PCBP3: variants seen among roughly 807,000 people sequenced by gnomAD.
PCBP3 encodes poly(rC) binding protein 3, also known as poly(rC)-binding protein 3.
PCBP3 carries 25 observed loss-of-function variants against 52.7 expected under a neutral mutation model. The observed-to-expected ratio is 0.47, with a 90% CI of 0.35 to 0.66. The LOEUF is 0.66. Among genes scored for constraint, PCBP3 ranks in the 30% least tolerant of loss-of-function variants. The pLI, the probability that PCBP3 is intolerant of heterozygous loss-of-function variation, is 0.01. For synonymous variants in PCBP3, 162 were observed against 183.0 expected (o/e 0.89, Z 0.93); for missense variants, 391 against 490.3 (o/e 0.80, Z 1.91).
intron 1 of PCBP3, among the ~76,000 whole-genome samples, chr21:45,650,983 C>T (rs1351777566): frequency 6.6e-6 from 1 of 152,122 alleles, no homozygotes; most frequent in African/African-American, 2.4e-5. Context: ...CACAAGGAAA[C>T]AAATTTTGTC....
In PCBP3 at chr21:45,917,468, G is replaced by A; in HGVS notation, c.676-120G>A. 1 of 767,588 alleles carries A rather than the reference G, an allele frequency of 1.3e-6. No homozygotes were observed. Among genetic ancestry groups the A allele is most frequent in the Non-Finnish European group, 2.3e-6 (1 of 442,704 alleles). The allele number at this position is 767,588 out of a possible 1,614,324, so 47.5% of individuals were successfully genotyped here. On this transcript the variant is annotated intron_variant, in intron 12 of 17. Transcript: ENST00000681687. This position sits in a 1 kb window ranked among gnomAD's most constrained non-coding sequence, Gnocchi z 5.3. ...CTTTGTCCTAGGATGGGGACAGGTG[G>A]AGAGGCACACGAGGGGGAAGCTTCT...
intron 4 of PCBP3, among the ~76,000 whole-genome samples, chr21:45,831,491 A>G (rs2093448775): frequency 6.6e-6 from 1 of 152,038 alleles, no homozygotes; most frequent in Non-Finnish European, 1.5e-5. Context: ...TGATGTGCAT[A>G]TAGATGGTGA....
chr21:45,645,798 A>G (rs1603048740), intron 1 of PCBP3, among the ~76,000 whole-genome samples: 1 of 152,318 alleles, frequency 6.6e-6, no homozygotes, highest in East Asian at 1.9e-4. Context: ...TCATGGCTTT[A>G]TTGTAAAGGT....
chr21:45,931,684 CA>C (rs371012379), intron 15 of PCBP3, among the ~76,000 whole-genome samples: 1 of 146,358 alleles, frequency 6.8e-6, no homozygotes, highest in Non-Finnish European at 1.5e-5. Flanking sequence ...CTGAGATGAA[CA>C]AACACGTCGG....
chr21:45,649,154 G>C (rs1187969490), intron 1 of PCBP3, among the ~76,000 whole-genome samples: 2 of 152,222 alleles, frequency 1.3e-5, no homozygotes, highest in African/African-American at 4.8e-5. Context: ...GGCGGAAGTT[G>C]AAAGGTACAT....
At chr21:45,906,762 G>A (rs921221373) in intron 9 of PCBP3, among the ~76,000 whole-genome samples, 11 of 152,296 alleles carry the variant, frequency 7.2e-5, no homozygotes, top group African/African-American at 2.4e-4. Flanking sequence ...GTGCCATCCC[G>A]TTTTCAGGCA....
intron 4 of PCBP3, among the ~76,000 whole-genome samples, chr21:45,780,490 G>A (rs980160637): frequency 5.3e-5 from 8 of 152,204 alleles, no homozygotes; most frequent in Non-Finnish European, 1.0e-4. Context: ...AACCTGTGAC[G>A]AGGTGTCCCT....
intron 5 of PCBP3, among the ~76,000 whole-genome samples, chr21:45,886,750 G>T (rs73911033): frequency 0.051 from 7,692 of 152,240 alleles, 424 homozygotes; most frequent in African/African-American, 0.13. Flanking sequence ...CAGAGGAGGG[G>T]GCTCCCTCAT....
intron 2 of PCBP3, among the ~76,000 whole-genome samples, chr21:45,727,039 A>G (rs529511484): frequency 6.6e-6 from 1 of 152,320 alleles, no homozygotes; most frequent in African/African-American, 2.4e-5. Context: ...AACCTCCAAC[A>G]TCAGTTTTTT....
intron 4 of PCBP3, among the ~76,000 whole-genome samples, chr21:45,767,551 T>C (rs1047022057): frequency 6.6e-6 from 1 of 152,228 alleles, no homozygotes; most frequent in Non-Finnish European, 1.5e-5. Context: ...GGAGTGGACC[T>C]GGGGGACACG....
At chr21:45,860,835 G>A (rs2094481572) in intron 5 of PCBP3, among the ~76,000 whole-genome samples, 1 of 152,212 alleles carries the variant, frequency 6.6e-6, no homozygotes, top group Non-Finnish European at 1.5e-5. Context: ...ATTGGTAGAG[G>A]AAACAGTGTG....
intron 4 of PCBP3, among the ~76,000 whole-genome samples, chr21:45,776,912 A>G (rs1474662723): frequency 1.3e-5 from 2 of 151,976 alleles, no homozygotes; most frequent in South Asian, 2.1e-4. Context: ...TGCTTTATGT[A>G]TTCTTTGTTT....
chr21:45,767,562 T>G (rs1380298506), intron 4 of PCBP3, among the ~76,000 whole-genome samples: 2 of 152,242 alleles, frequency 1.3e-5, no homozygotes, highest in Non-Finnish European at 2.9e-5. Context: ...GGGGGACACG[T>G]AGAGACTCTG....
At chr21:45,874,117 C>T (rs980609012) in intron 5 of PCBP3, among the ~76,000 whole-genome samples, 4 of 152,186 alleles carry the variant, frequency 2.6e-5, no homozygotes, top group African/African-American at 4.8e-5. Context: ...CGTGAGCCAC[C>T]GCGCCCGGCC....
chr21:45,791,474 G>C lies in PCBP3; in HGVS notation c.-126+36022G>C, dbSNP rs957876928. ...TTTAATAGGGTGTGGCTTTTGTCAA[G>C]CAAGGACAAGGAACCAAGCGGGTAG... On this transcript the variant is annotated intron_variant, in intron 4 of 17. Transcript: ENST00000681687. The surrounding 1 kb of genome is among the most constrained non-coding windows in gnomAD (Gnocchi z 4.2). Among the ~76,000 whole-genome samples, 7 of 151,812 alleles carry C rather than the reference G, an allele frequency of 4.6e-5. No homozygotes were observed. The highest frequency in any genetic ancestry group is 1.3e-4 in the Admixed American group (2 of 15,244).
chr21:45,922,194 A>C (rs763970714), intron 13 of PCBP3, among the ~76,000 whole-genome samples: 3 of 152,160 alleles, frequency 2.0e-5, no homozygotes, highest in Non-Finnish European at 4.4e-5. Flanking sequence ...CTGCACCTTT[A>C]ATTACAGCGG....
chr21:45,778,113 G>A (rs2090384174), intron 4 of PCBP3, among the ~76,000 whole-genome samples: 1 of 152,050 alleles, frequency 6.6e-6, no homozygotes. Flanking sequence ...CTGTCATGTT[G>A]GTTGGGATAT....
chr21:45,892,942 G>A (rs2095714688), intron 5 of PCBP3, among the ~76,000 whole-genome samples: 1 of 152,088 alleles, frequency 6.6e-6, no homozygotes, highest in African/African-American at 2.4e-5. Context: ...ACTCTGGAGA[G>A]GGGAGGGAGT....
At chr21:45,787,012 T>G (rs532387881) in intron 4 of PCBP3, among the ~76,000 whole-genome samples, 2 of 152,344 alleles carry the variant, frequency 1.3e-5, no homozygotes, top group East Asian at 3.9e-4. Flanking sequence ...CTGTTGACCC[T>G]TCCCAACTGC....
Sources: gnomAD v4.1 joint callset for allele counts (sites outside exome capture counted in the v4.1 genomes callset) on GRCh38, gnomAD v4.1.1 for gene constraint, Gnocchi (gnomAD v3.1) non-coding constraint, MANE v1.5 for transcripts, NCBI Gene and HGNC (gene_info 2026-07-23, HGNC 2026-07-21) for gene names.